The following ADGRG6 variants were observed in gnomAD, a reference collection of about 807,000 sequenced individuals.
ADGRG6 encodes adhesion G protein-coupled receptor G6.
ADGRG6 carries 84 observed loss-of-function variants against 142.4 expected under a neutral mutation model. That is an observed-to-expected ratio of 0.59 (90% CI 0.49 to 0.71). The LOEUF (loss-of-function observed/expected upper bound fraction) is 0.71. Among genes scored for constraint, ADGRG6 ranks in the 30% least tolerant of loss-of-function variants. The pLI is 0.00. For synonymous variants in ADGRG6, 521 were observed against 520.5 expected (o/e 1.00, Z -0.01); for missense variants, 1,367 against 1,466.6 (o/e 0.93, Z 1.11).
intron 2 of ADGRG6, among the ~76,000 whole-genome samples, chr6:142,355,835 AG>A (rs949412298): frequency 3.3e-5 from 5 of 152,166 alleles, no homozygotes; most frequent in Non-Finnish European, 7.3e-5. Flanking sequence ...ACTGGCTAAA[AG>A]AAGACAGTAA....
intron 2 of ADGRG6, among the ~76,000 whole-genome samples, chr6:142,359,392 A>G (rs896075691): frequency 6.6e-6 from 1 of 151,946 alleles, no homozygotes; most frequent in African/African-American, 2.4e-5. Context: ...TCCCCACTTT[A>G]CACACGATGC....
intron 15 of ADGRG6, among the ~76,000 whole-genome samples, chr6:142,406,905 T>C (rs886196846): frequency 2.6e-5 from 4 of 152,084 alleles, no homozygotes; most frequent in African/African-American, 4.8e-5. Context: ...ATGTGAATGG[T>C]ACAGAAATGG....
chr6:142,396,019 A>G (rs1775170019), intron 9 of ADGRG6, among the ~76,000 whole-genome samples: 1 of 152,180 alleles, frequency 6.6e-6, no homozygotes, highest in Non-Finnish European at 1.5e-5. Context: ...AAATAGTTTC[A>G]GTTTTCAGGA....
chr6:142,331,773 C>A (rs995616246), intron 2 of ADGRG6, among the ~76,000 whole-genome samples: 3 of 151,998 alleles, frequency 2.0e-5, no homozygotes, highest in South Asian at 2.1e-4. Context: ...TAGGAAAATA[C>A]GTGTCACTGC....
chr6:142,441,055 C>A, intron 24 of ADGRG6: 1 of 588,182 alleles, frequency 1.7e-6, no homozygotes, highest in Non-Finnish European at 3.0e-6. Context: ...GGCAAAATGG[C>A]TTGTTCTTTT....
At chr6:142,323,106 A>G (rs1778594554) in intron 2 of ADGRG6, among the ~76,000 whole-genome samples, 4 of 137,384 alleles carry the variant, frequency 2.9e-5, no homozygotes, top group Admixed American at 1.4e-4. Context: ...GTACCCCTGT[A>G]TAAATGTCAC....
At chr6:142,357,026 G>A (rs565140464) in intron 2 of ADGRG6, among the ~76,000 whole-genome samples, 10 of 152,300 alleles carry the variant, frequency 6.6e-5, no homozygotes, top group African/African-American at 2.2e-4. Context: ...AAGATCTTGT[G>A]TAAGTTTAGG....
chr6:142,440,860 G>A, intron 24 of ADGRG6: 2 of 907,654 alleles, frequency 2.2e-6, no homozygotes, highest in Non-Finnish European at 3.4e-6. Context: ...ATATCTAGCT[G>A]GTTCATTTCT....
intron 2 of ADGRG6, among the ~76,000 whole-genome samples, chr6:142,320,410 G>C (rs1197806828): frequency 1.3e-5 from 2 of 152,054 alleles, no homozygotes; most frequent in Non-Finnish European, 2.9e-5. Flanking sequence ...AACTAATAAT[G>C]GGAGTGAAAA....
intron 2 of ADGRG6, among the ~76,000 whole-genome samples, chr6:142,335,702 G>C (rs1217002995): frequency 6.6e-6 from 1 of 152,130 alleles, no homozygotes; most frequent in Non-Finnish European, 1.5e-5. Context: ...AACCATAGGG[G>C]GTGGGGTGGG....
chr6:142,311,840 G>A (rs1198766937), intron 2 of ADGRG6, among the ~76,000 whole-genome samples: 2 of 151,896 alleles, frequency 1.3e-5, no homozygotes, highest in African/African-American at 4.8e-5. Flanking sequence ...TGTGCAAACA[G>A]GACTCCTAGT....
intron 24 of ADGRG6, 85 bp downstream of exon 24, chr6:142,438,449 G>A (rs1401010098): frequency 4.0e-6 from 3 of 752,170 alleles, no homozygotes; most frequent in Admixed American, 3.1e-5. Flanking sequence ...ATAAATCACA[G>A]TGCCTAAGAG....
chr6:142,435,611 A>G (rs539137426), intron 22 of ADGRG6, among the ~76,000 whole-genome samples: 15 of 152,328 alleles, frequency 9.8e-5, no homozygotes, highest in African/African-American at 3.6e-4. Context: ...CATTCATTCC[A>G]TCAATAAACA....
chr6:142,341,578 GTA>G (rs1227584001), intron 2 of ADGRG6, among the ~76,000 whole-genome samples: 1 of 114,914 alleles, frequency 8.7e-6, no homozygotes, highest in African/African-American at 3.5e-5. Flanking sequence ...ATATTATGTA[GTA>G]TATATAATAT....
intron 2 of ADGRG6, among the ~76,000 whole-genome samples, chr6:142,365,283 T>C (rs1780896795): frequency 6.6e-6 from 1 of 152,214 alleles, no homozygotes; most frequent in African/African-American, 2.4e-5. Context: ...CTCTATCTTC[T>C]TTTCAGAATT....
chr6:142,437,519 G>GTTAGCAGATAACTCAGGTAAAGA lies in ADGRG6; in HGVS notation c.3406_3421+7dup. ...AGCATCTCTGCTGTGGTAGATTTCG[G>GTTAGCAGATAACTCAGGTAAAGA]TTAGCAGATAACTCAGGTAAAGAGT... On this transcript the variant is annotated frameshift_variant, in exon 23 of 25. Transcript: ENST00000367609. LOFTEE classifies it high-confidence loss of function. 6.6e-7 allele frequency: 1 copy of GTTAGCAGATAACTCAGGTAAAGA among 1,508,610 alleles called. No homozygotes were observed. Among genetic ancestry groups the GTTAGCAGATAACTCAGGTAAAGA allele is most frequent in the Non-Finnish European group, 9.2e-7 (1 of 1,083,690 alleles). The allele number at this position is 1,508,610 out of a possible 1,614,324, so 93.5% of individuals were successfully genotyped here. A position where few individuals can be genotyped will look rare whatever the true frequency, so the allele number is the denominator to read the frequency against.
Position 142,443,395 on chromosome 6 carries a change from A to T in ADGRG6, c.3633A>T (p.Thr1211=). The T allele has an allele frequency of 6.2e-7, 1 of 1,612,568 alleles. No homozygotes were observed. Among genetic ancestry groups the T allele is most frequent in the South Asian group, 1.1e-5 (1 of 91,032 alleles). ...TGGCCCATGCTGATGGAGATCAAAC[A>T]TCAATCATCCCTGTCCATCAGGTCA... ...SKLAHADGDQ[T]SIIPVHQVID... is the part of the protein sequence containing the mutation. The change falls in exon 25 of 25, where the codon ACA becomes ACT. Residue 1211 remains threonine, a synonymous_variant. Coordinates refer to ENST00000367609, the MANE Select transcript of ADGRG6 (RefSeq NM_198569.3).
chr6:142,321,554 A>G (rs1179381625), intron 2 of ADGRG6, among the ~76,000 whole-genome samples: 1 of 152,054 alleles, frequency 6.6e-6, no homozygotes, highest in East Asian at 1.9e-4. Flanking sequence ...AAAAATAAGA[A>G]TAGGGTTCTC....
At position 142,326,145 on chromosome 6, in the gene ADGRG6, G is replaced by A. The variant is rs9496340; in HGVS notation, c.103+16501G>A. On this transcript the variant is annotated intron_variant, in intron 2 of 24. Coordinates refer to ENST00000367609, the MANE Select transcript of ADGRG6 (RefSeq NM_198569.3). The stretch of plus-strand genomic sequence containing the variant: ...AGTATGCAAATATTAACATAGTGAT[G>A]AGAGAGTTAATAATAGTTTTATTTT... 4.8e-3 allele frequency among the ~76,000 whole-genome samples: 732 copies of A among 152,142 alleles called. 9 individuals are homozygous for A. Among genetic ancestry groups the A allele is most frequent in the African/African-American group, 0.017 (694 of 41,532 alleles).
Sources: gnomAD v4.1 joint callset for allele counts (sites outside exome capture counted in the v4.1 genomes callset) on GRCh38, gnomAD v4.1.1 for gene constraint, MANE v1.5 for transcripts, NCBI Gene and HGNC (gene_info 2026-07-23, HGNC 2026-07-21) for gene names.